The following ESCO2 variants were observed in gnomAD, a reference collection of about 807,000 sequenced individuals.
The protein encoded by ESCO2 is establishment of sister chromatid cohesion N-acetyltransferase 2.
ESCO2 carries 51 observed loss-of-function variants against 61.7 expected under a neutral mutation model. The ratio of observed to expected loss-of-function variants is 0.83; its 90% CI spans 0.66 to 1.04. The LOEUF (loss-of-function observed/expected upper bound fraction) is 1.04, where lower values mean the gene tolerates loss of function less well. Ranked by LOEUF, ESCO2 falls within the 50% of genes least tolerant of loss-of-function variation. The pLI, the probability that ESCO2 is intolerant of heterozygous loss-of-function variation, is 0.00. For synonymous variants in ESCO2, 230 were observed against 238.2 expected, an observed-to-expected ratio of 0.97 and a Z score of 0.32; for missense variants, 692 against 686.2, an observed-to-expected ratio of 1.01 and a Z score of -0.09.
chr8:27,777,158 A>G lies in ESCO2; in HGVS notation c.850A>G (p.Lys284Glu). 8 of 1,602,160 alleles carry G rather than the reference A, an allele frequency of 5.0e-6. No individual in the cohort carries two copies. Among genetic ancestry groups the G allele is most frequent in the Non-Finnish European group, 6.8e-6 (8 of 1,177,314 alleles). ...GAGTGCAAGCAGTAAAAATAAAGAGAAATTAATAAAGGTAAAGCTAAATAT... is the reference window on the plus strand; with the variant it reads ...GAGTGCAAGCAGTAAAAATAAAGAGGAATTAATAAAGGTAAAGCTAAATAT... ...LLSASSKNKE[K>E]LIKDSSDDRV... Residue 284 changes from lysine (K) to glutamate (E), a missense_variant, in exon 3 of 11, where the codon AAA becomes GAA. Coordinates refer to ENST00000305188, the MANE Select transcript of ESCO2 (RefSeq NM_001017420.3).
rs563174516 is a variant in ESCO2 at position 27,792,052 on chromosome 8, G to A, written c.1353G>A (p.Lys451=). 6.2e-6 allele frequency: 10 copies of A among 1,613,760 alleles called. No homozygotes were observed. The highest frequency in any genetic ancestry group is 1.7e-5 in the Admixed American group (1 of 59,960). ...ATGATCCAAGCTTTGCTATCAAAAA[G>A]GTATGGAACATTATCTTTTTATCTC... The part of the protein sequence containing the change: ...LPHDPSFAIK[K]VEDVQELVDN... Residue 451 remains lysine, a splice_region_variant and synonymous_variant, in exon 8 of 11, where the codon AAG becomes AAA. Transcript: ENST00000305188.
chr8:27,774,828 G>GT (rs1339551217), intron 1 of ESCO2: 1 of 149,452 alleles, frequency 6.7e-6, no homozygotes, highest in East Asian at 1.9e-4. Flanking sequence ...TGGGTTTAGG[G>GT]TTTGTTTGTT....
At position 27,787,877 on chromosome 8, in the gene ESCO2, G is replaced by T. The variant is rs1022789367; in HGVS notation, c.1014-8G>T. 13 of 1,593,438 alleles carry T rather than the reference G, an allele frequency of 8.2e-6. No individual in the cohort carries two copies. Among genetic ancestry groups the T allele is most frequent in the Admixed American group, 3.3e-5 (2 of 59,962 alleles). On this transcript the variant is annotated splice_region_variant and splice_polypyrimidine_tract_variant and intron_variant, in intron 5 of 10. Transcript: ENST00000305188. ...GTAAATTTATATATATCAACTTTCT[G>T]TGTCAAGATCTTTAGGTGAAGAACA...
downstream of ESCO2, chr8:27,811,120 C>CCT: frequency 6.2e-7 from 1 of 1,613,924 alleles, no homozygotes; most frequent in South Asian, 1.1e-5. Context: ...ATGTAACAAG[C>CCT]CTCAGGGTCA....
At position 27,804,805 on chromosome 8, in the gene ESCO2, A is replaced by G. The variant is rs1004403495; in HGVS notation, c.*1367A>G. On this transcript the variant is annotated 3_prime_UTR_variant, in exon 11 of 11. Transcript: ENST00000305188. ...CAAACATTTTAATGCTATTTTCTGC[A>G]CTTATTTCTTTTAAATATTTTATTT... 3.1e-6 allele frequency: 3 copies of G among 961,236 alleles called. No individual in the cohort carries two copies. The highest frequency in any genetic ancestry group is 6.2e-5 in the Admixed American group (1 of 16,248). 59.5% of individuals were successfully genotyped at this position (961,236 alleles called of 1,614,324 possible).
At chr8:27,793,727 C>T (rs570619937) in intron 9 of ESCO2, among the ~76,000 whole-genome samples, 33 of 152,232 alleles carry the variant, frequency 2.2e-4, no homozygotes, top group South Asian at 4.1e-4. Context: ...CCTCCTGATC[C>T]ACCTGCCTCA....
In ESCO2 at chr8:27,803,497, TAAA is replaced by T; in HGVS notation, c.*61_*63del. On this transcript the variant is annotated 3_prime_UTR_variant, in exon 11 of 11. Transcript: ENST00000305188. ...GATAAGTTCAAAGAGCTCCTTATTA[TAAA>T]ATACAAACTATTTAATATCAAAATA... is the stretch of plus-strand genomic sequence containing the variant. The T allele has an allele frequency of 6.3e-7, 1 of 1,595,882 alleles. No individual in the cohort carries two copies. Among genetic ancestry groups the T allele is most frequent in the Non-Finnish European group, 8.5e-7 (1 of 1,170,506 alleles).
intron 3 of ESCO2, 23 bp from the exon 4 acceptor site, chr8:27,780,149 GTT>G (rs375159544): frequency 1.6e-6 from 2 of 1,282,122 alleles, no homozygotes; most frequent in Non-Finnish European, 2.2e-6. Context: ...CAGATGTTTG[GTT>G]TTTTTTTTAA....
chr8:27,811,371 TTAG>T (rs913742359), downstream of ESCO2: 12 of 586,280 alleles, frequency 2.0e-5, no homozygotes, highest in Admixed American at 3.6e-4. Flanking sequence ...CTCTTACAAA[TTAG>T]TAGGAATATA....
downstream of ESCO2, chr8:27,810,824 C>T (rs1206834407): frequency 9.1e-6 from 6 of 662,178 alleles, no homozygotes; most frequent in Non-Finnish European, 1.3e-5. Flanking sequence ...ATCTATGTCT[C>T]ATTTGTGTGA....
In ESCO2 at chr8:27,788,092, T is replaced by C. The variant is rs535592852; in HGVS notation, c.1131+90T>C. On this transcript the variant is annotated intron_variant, in intron 6 of 10. Coordinates refer to ENST00000305188, the MANE Select transcript of ESCO2 (RefSeq NM_001017420.3). The stretch of plus-strand genomic sequence containing the variant: ...TATTAGACAGTTCAGAACTTGGTAT[T>C]TTCAATGTCATTAAGCAATGTTTTA... The C allele has an allele frequency of 6.9e-6, 6 of 872,134 alleles. No individual in the cohort carries two copies. In the South Asian group the frequency reaches 6.9e-5, roughly 10 times the overall value. The allele number at this position is 872,134 out of a possible 1,614,324, so 54.0% of individuals were successfully genotyped here.
rs1422618979 is a variant in ESCO2, at chr8:27,776,705, T to C, written c.397T>C (p.Ser133Pro). 1.2e-6 allele frequency: 2 copies of C among 1,613,814 alleles called. No homozygotes were observed. The highest frequency in any genetic ancestry group is 2.2e-5 in the East Asian group (1 of 44,870). ...AAAAATGCAAGGAAAACCAGTCTGC[T>C]CCAAGAAGAACAACAAAAAACCACA... ...TEKMQGKPVCSKKNNKKPQKS... is the reference protein window; with the variant it reads ...TEKMQGKPVCPKKNNKKPQKS... The change falls in exon 3 of 11, where the codon TCC becomes CCC. Residue 133 changes from serine (S) to proline (P), a missense_variant. Physicochemically the swap from Ser to Pro is moderately conservative, Grantham distance 74 (BLOSUM62 -1). Coordinates refer to ENST00000305188, the MANE Select transcript of ESCO2 (RefSeq NM_001017420.3).
At chr8:27,773,470 G>T (rs1804701956), upstream of ESCO2, among the ~76,000 whole-genome samples, 1 of 148,802 alleles carries the variant, frequency 6.7e-6, no homozygotes, top group Non-Finnish European at 1.5e-5. Flanking sequence ...GGTGGAGGGC[G>T]GTGGGGGGAG....
At chr8:27,775,707 T>C in intron 2 of ESCO2, 140 bp downstream of exon 2, 3 of 744,576 alleles carry the variant, frequency 4.0e-6, no homozygotes, top group Non-Finnish European at 7.1e-6. Context: ...ACCTATATTC[T>C]AATTCTAGCT....
intron 10 of ESCO2, among the ~76,000 whole-genome samples, chr8:27,802,630 A>ATATGT (rs1358714847): frequency 1.3e-4 from 6 of 45,834 alleles, no homozygotes; most frequent in African/African-American, 5.0e-4. Context: ...AAAAAAAAAA[A>ATATGT]ATATATATAT....
downstream of ESCO2, chr8:27,810,920 GAA>G (rs1270153204): frequency 8.0e-7 from 1 of 1,245,216 alleles, no homozygotes; most frequent in Non-Finnish European, 1.2e-6. Context: ...AGTGTGAAAT[GAA>G]GAGATTGGGA....
Position 27,791,973 on chromosome 8 carries a change from A to G in ESCO2, c.1274A>G (p.Lys425Arg). ...LEGIKYVGWK[K>R]ERVVAEFWDG... ...GTTTTCCTTTGGCAGGGTTGGAAGA[A>G]AGAACGTGTAGTAGCAGAGTTTTGG... The change falls in exon 8 of 11, where the codon AAA (lysine) becomes AGA (arginine). Residue 425 changes from lysine to arginine, a missense_variant. Physicochemically the swap from Lys to Arg is conservative, Grantham distance 26. Coordinates refer to ENST00000305188, the MANE Select transcript of ESCO2 (RefSeq NM_001017420.3). 6.8e-6 allele frequency: 11 copies of G among 1,614,132 alleles called. No individual in the cohort carries two copies. Among genetic ancestry groups the G allele is most frequent in the Non-Finnish European group, 9.3e-6 (11 of 1,180,014 alleles).
rs1805084678 is a variant in ESCO2 at position 27,787,974 on chromosome 8, G to C, written c.1103G>C (p.Ser368Thr). Residue 368 changes from serine (S) to threonine (T), a missense_variant, in exon 6 of 11, where the codon AGT becomes ACT. By Grantham distance (58) the Ser-to-Thr change is moderately conservative. Coordinates refer to ENST00000305188, the MANE Select transcript of ESCO2 (RefSeq NM_001017420.3). ...IQKNTNTRDT[S>T]KKTKDQLIID... ...AAAAATACTAATACCAGAGATACAA[G>C]TAAAAAAACAAAAGACCAGCTCATC... The C allele has an allele frequency of 6.2e-7, 1 of 1,613,060 alleles. No individual in the cohort carries two copies.
At chr8:27,812,722 C>T (rs1805716917), downstream of ESCO2, 1 of 151,770 alleles carries the variant, frequency 6.6e-6, no homozygotes, top group Admixed American at 6.6e-5. Flanking sequence ...TGAAAAAATG[C>T]TCATCATCAC....
Sources: allele counts gnomAD v4.1 joint callset (sites outside exome capture counted in the v4.1 genomes callset), GRCh38; gene constraint gnomAD v4.1.1; transcripts MANE v1.5; gene names NCBI Gene and HGNC (gene_info 2026-07-23, HGNC 2026-07-21).